Variants in HUWE1 observed in about 807,000 individuals in gnomAD.
The protein encoded by HUWE1 is HECT, UBA and WWE domain containing E3 ubiquitin protein ligase 1.
HUWE1 carries 18 observed loss-of-function variants against 299.4 expected under a neutral mutation model. The observed-to-expected ratio is 0.06, with a 90% CI of 0.04 to 0.09. The LOEUF is 0.09. HUWE1 is among the 10% of genes least tolerant of loss of function. HUWE1 has a pLI of 1.00. For synonymous variants in HUWE1, 1,317 were observed against 1,286.1 expected (o/e 1.02, Z -0.51); for missense variants, 1,832 against 3,462.3 (o/e 0.53, Z 11.82).
intron 25 of HUWE1, among the ~76,000 whole-genome samples, chrX:53,606,456 A>G (rs1466922417): frequency 1.8e-5 from 2 of 112,136 alleles, no homozygotes; most frequent in African/African-American, 3.2e-5. Flanking sequence ...AAAACAGAAA[A>G]TAAGTATTGG....
intron 21 of HUWE1, 125 bp from the exon 22 acceptor site, chrX:53,615,960 A>C: frequency 1.9e-6 from 1 of 534,944 alleles, no homozygotes; most frequent in Non-Finnish European, 3.2e-6. Flanking sequence ...TCTTTCCTTT[A>C]AAGACTTTAT....
At chrX:53,653,996 T>C (rs1281825957) in intron 4 of HUWE1, 67 bp downstream of exon 4, 2 of 768,352 alleles carry the variant, frequency 2.6e-6, no homozygotes, top group Non-Finnish European at 3.9e-6. Context: ...ATGGATGAAC[T>C]GTTCACAAAT....
chrX:53,544,260 C>T (rs1361430882), intron 72 of HUWE1, among the ~76,000 whole-genome samples: 1 of 111,741 alleles, frequency 8.9e-6, no homozygotes, highest in African/African-American at 3.3e-5. Context: ...TAGAAATGAC[C>T]AAGGAAGCAG....
At chrX:53,570,282 T>TATC (rs1366312223) in intron 47 of HUWE1, among the ~76,000 whole-genome samples, 4 of 112,350 alleles carry the variant, frequency 3.6e-5, no homozygotes, top group Non-Finnish European at 7.5e-5. Flanking sequence ...CTATTGCACC[T>TATC]ATCTTAAAAT....
Position 53,535,513 on chromosome X carries a change from A to G in HUWE1, c.12532-12T>C, listed in dbSNP as rs781922920. ...CCAAACTCTTGGACCTAGAACAACC[A>G]AAACACCAATCATACATATCAGACT... On this transcript the variant is annotated splice_polypyrimidine_tract_variant and intron_variant, in intron 80 of 83. Transcript: ENST00000262854. 7.5e-6 allele frequency: 8 copies of G among 1,069,006 alleles called. No individual in the cohort carries two copies. Among genetic ancestry groups the G allele is most frequent in the South Asian group, 5.6e-5 (3 of 53,715 alleles). 88.1% of individuals were successfully genotyped at this position (1,069,006 alleles called of 1,213,427 possible).
chrX:53,547,888 G>A lies in HUWE1; in HGVS notation c.10421C>T (p.Ala3474Val). 8.3e-7 allele frequency: 1 copy of A among 1,209,970 alleles called. No individual in the cohort carries two copies. Among genetic ancestry groups the A allele is most frequent in the Non-Finnish European group, 1.1e-6 (1 of 894,579 alleles). The change falls in exon 68 of 84, where the codon GCT becomes GTT. Residue 3474 changes from alanine to valine, a missense_variant. Physicochemically the swap from Ala to Val is moderately conservative, Grantham distance 64. Around this residue, in one of 15 missense-constraint regions of HUWE1, gnomAD observed 119 missense variants for 124.6 expected, o/e 0.96. Transcript: ENST00000262854. ...LPENKVSEAQ[A>V]NSGSGASSTT... is the part of the protein sequence containing the mutation. Reference sequence around the variant, plus strand: ...GGAGGAAGCACCGCTGCCAGAATTAGCCTGTGCTTCTGACACCTTGTTTTC... The same window carrying A: ...GGAGGAAGCACCGCTGCCAGAATTAACCTGTGCTTCTGACACCTTGTTTTC...
At chrX:53,562,345 C>T (rs782223528) in intron 53 of HUWE1, 101 bp from the exon 54 acceptor site, 174 of 1,030,662 alleles carry the variant, frequency 1.7e-4, no homozygotes, top group Non-Finnish European at 2.2e-4. Context: ...GGATATCTGA[C>T]TCTATGAGAG....
intron 23 of HUWE1, among the ~76,000 whole-genome samples, chrX:53,610,766 C>CA (rs1557001433): frequency 9.0e-6 from 1 of 111,697 alleles, no homozygotes; most frequent in East Asian, 2.8e-4. Flanking sequence ...TCTCTGCACT[C>CA]ATTGCCTTTA....
chrX:53,600,451 C>T (rs994049284), intron 28 of HUWE1, 142 bp from the exon 29 acceptor site: 5 of 478,121 alleles, frequency 1.0e-5, no homozygotes, highest in African/African-American at 2.4e-5. Flanking sequence ...AACAAAAACA[C>T]GACCCAAATA....
chrX:53,533,474 C>T, intron 83 of HUWE1, 63 bp from the exon 84 acceptor site: 4 of 791,848 alleles, frequency 5.1e-6, no homozygotes, highest in Non-Finnish European at 3.8e-6. Flanking sequence ...CTGTGTGTTC[C>T]CATGGTGCCC....
At position 53,625,364 on chromosome X, in the gene HUWE1, A is replaced by G. The variant is rs143004045; in HGVS notation, c.1490-106T>C. On this transcript the variant is annotated intron_variant, in intron 17 of 83. Coordinates refer to ENST00000262854, the MANE Select transcript of HUWE1 (RefSeq NM_031407.7). ...AGAGATCCAAATACACTATAATAAA[A>G]TTAGAAGACATTCGAAGTGAGGTCT... is the stretch of plus-strand genomic sequence containing the variant. 3.6e-3 allele frequency: 1,937 copies of G among 535,093 alleles called. 6 individuals carry two copies. Among genetic ancestry groups the G allele is most frequent in the Non-Finnish European group, 4.6e-3 (1,348 of 295,315 alleles). 44.1% of individuals were successfully genotyped at this position (535,093 alleles called of 1,213,427 possible). A position where few individuals can be genotyped will look rare whatever the true frequency, so the allele number is the denominator to read the frequency against.
intron 47 of HUWE1, among the ~76,000 whole-genome samples, chrX:53,571,493 T>G (rs1396634412): frequency 1.8e-5 from 2 of 110,937 alleles, no homozygotes; most frequent in African/African-American, 6.6e-5. Context: ...TCCCAGCTAC[T>G]TGAGAGGCTA....
At chrX:53,637,864 C>G (rs2067313208) in intron 7 of HUWE1, among the ~76,000 whole-genome samples, 1 of 111,618 alleles carries the variant, frequency 9.0e-6, no homozygotes, top group African/African-American at 3.3e-5. Flanking sequence ...CTATTTTTAT[C>G]AGGAAGACAA....
intron 3 of HUWE1, among the ~76,000 whole-genome samples, chrX:53,671,925 G>C (rs943663713): frequency 5.0e-5 from 5 of 100,003 alleles, no homozygotes; most frequent in Non-Finnish European, 1.0e-4. Flanking sequence ...CTTGAAAAAA[G>C]ACAGTTTGGG....
intron 80 of HUWE1, chrX:53,535,847 C>T (rs2061021123): frequency 2.7e-6 from 1 of 366,115 alleles, no homozygotes; most frequent in Admixed American, 4.7e-5. Flanking sequence ...TAACTGCCTT[C>T]ATTTTCCCCC....
At chrX:53,565,355 C>T (rs1202770576) in intron 49 of HUWE1, 116 bp from the exon 50 acceptor site, 12 of 675,570 alleles carry the variant, frequency 1.8e-5, no homozygotes, top group South Asian at 2.9e-5. Flanking sequence ...GGCATAAGGT[C>T]GTACAACTAA....
At chrX:53,578,846 G>A (rs1334105992) in intron 43 of HUWE1, among the ~76,000 whole-genome samples, 1 of 81,584 alleles carries the variant, frequency 1.2e-5, no homozygotes, top group Non-Finnish European at 2.5e-5. Flanking sequence ...CCCAGTCCGG[G>A]AGGGAGGTGG....
chrX:53,548,404 A>G lies in HUWE1; in HGVS notation c.10036-131T>C, dbSNP rs1042278232. 25 of 767,444 alleles carry G rather than the reference A, an allele frequency of 3.3e-5. No individual in the cohort carries two copies. In the East Asian group the frequency reaches 6.6e-4, roughly 20 times the overall value. The allele number at this position is 767,444 out of a possible 1,213,427, so 63.2% of individuals were successfully genotyped here. On this transcript the variant is annotated intron_variant, in intron 67 of 83. Transcript: ENST00000262854. ...TGGTAAATATTGGGGGATATGTCAT[A>G]TAAGAGTTTTATCCAACAGACAGTA... is the stretch of plus-strand genomic sequence containing the variant.
intron 61 of HUWE1, among the ~76,000 whole-genome samples, chrX:53,554,419 C>T (rs782677516): frequency 9.0e-6 from 1 of 111,016 alleles, no homozygotes; most frequent in African/African-American, 3.3e-5. Flanking sequence ...CCTCAATGAA[C>T]TGTTGGTATC....
Sources: allele counts gnomAD v4.1 joint callset (sites outside exome capture counted in the v4.1 genomes callset), GRCh38; gene constraint gnomAD v4.1.1; regional missense constraint gnomAD v4.1.1; transcripts MANE v1.5; gene names NCBI Gene and HGNC (gene_info 2026-07-23, HGNC 2026-07-21).